The following TEX11 variants were observed in gnomAD, a reference collection of about 807,000 sequenced individuals.
TEX11 encodes testis-expressed protein 11.
In TEX11, 7 loss-of-function variants were observed where a neutral mutation model predicts 84.4. The ratio of observed to expected loss-of-function variants is 0.08; its 90% CI spans 0.05 to 0.16. TEX11 has a LOEUF of 0.16. Ranked by LOEUF, TEX11 falls within the 10% of genes least tolerant of loss-of-function variation. TEX11 has a pLI of 1.00. For synonymous variants in TEX11, 264 were observed against 222.8 expected (o/e 1.18, Z -1.64); for missense variants, 551 against 660.5 (o/e 0.83, Z 1.82).
chrX:70,610,753 T>C (rs1263776845), intron 20 of TEX11, among the ~76,000 whole-genome samples: 1 of 111,717 alleles, frequency 9.0e-6, no homozygotes, highest in Non-Finnish European at 1.9e-5. Flanking sequence ...ATATTTTTTC[T>C]CTCTTCTACT....
At chrX:70,590,682 T>A (rs1011713302) in intron 25 of TEX11, among the ~76,000 whole-genome samples, 1 of 112,207 alleles carries the variant, frequency 8.9e-6, no homozygotes, top group Non-Finnish European at 1.9e-5. Context: ...CAAGATATTA[T>A]ATAACTTCCA....
At chrX:70,639,932 G>A (rs1372712805) in intron 17 of TEX11, among the ~76,000 whole-genome samples, 14 of 111,954 alleles carry the variant, frequency 1.3e-4, no homozygotes, top group South Asian at 7.5e-4. Flanking sequence ...GGACTTTGAC[G>A]AGCTGAGAGA....
chrX:70,537,318 C>T (rs1217603600), intron 28 of TEX11, among the ~76,000 whole-genome samples: 1 of 111,201 alleles, frequency 9.0e-6, no homozygotes, highest in East Asian at 2.8e-4. Context: ...AATTTCTGAG[C>T]AGCAATGAGA....
intron 13 of TEX11, among the ~76,000 whole-genome samples, chrX:70,683,711 A>G (rs1324499023): frequency 1.8e-5 from 2 of 112,032 alleles, no homozygotes; most frequent in Admixed American, 1.9e-4. Context: ...AGGGACCCCA[A>G]AAGCCCTAAA....
chrX:70,895,211 A>T (rs1465952387), intron 2 of TEX11, among the ~76,000 whole-genome samples: 2 of 111,666 alleles, frequency 1.8e-5, no homozygotes, highest in South Asian at 7.5e-4. Context: ...AATCACAAGC[A>T]TTCCTATATA....
intron 16 of TEX11, among the ~76,000 whole-genome samples, chrX:70,668,501 G>C (rs2089995971): frequency 8.9e-6 from 1 of 112,222 alleles, no homozygotes; most frequent in African/African-American, 3.2e-5. Context: ...ATGAAATGGA[G>C]AAATATACTA....
At chrX:70,822,598 A>G (rs955290374) in intron 8 of TEX11, among the ~76,000 whole-genome samples, 1 of 111,544 alleles carries the variant, frequency 9.0e-6, no homozygotes, top group Non-Finnish European at 1.9e-5. Context: ...TTGTGTCACT[A>G]TAAAGGAATA....
At chrX:70,775,714 C>T (rs1430822181) in intron 9 of TEX11, among the ~76,000 whole-genome samples, 1 of 98,802 alleles carries the variant, frequency 1.0e-5, no homozygotes, top group Non-Finnish European at 2.0e-5. Context: ...GCAGGAGAAT[C>T]GCCTGAACCC....
intron 25 of TEX11, among the ~76,000 whole-genome samples, chrX:70,563,995 G>A (rs547731393): frequency 6.2e-5 from 7 of 112,136 alleles, no homozygotes; most frequent in South Asian, 3.7e-4. Context: ...TTGGGAGGCC[G>A]AGGCGGGCGG....
At chrX:70,569,595 C>G (rs1455761922) in intron 25 of TEX11, among the ~76,000 whole-genome samples, 1 of 111,769 alleles carries the variant, frequency 8.9e-6, no homozygotes, top group Non-Finnish European at 1.9e-5. Flanking sequence ...GTGTGGATGT[C>G]CTTTCTGTTT....
At chrX:70,763,367 C>T (rs761136855) in intron 9 of TEX11, among the ~76,000 whole-genome samples, 4 of 111,424 alleles carry the variant, frequency 3.6e-5, no homozygotes, top group Non-Finnish European at 7.5e-5. Context: ...CTCGTATCTT[C>T]TCACTTATAA....
intron 9 of TEX11, among the ~76,000 whole-genome samples, chrX:70,785,511 C>T (rs1020271406): frequency 1.8e-5 from 2 of 111,358 alleles, no homozygotes; most frequent in South Asian, 3.7e-4. Context: ...CAAAAGAAAC[C>T]ACCATCAGAG....
intron 11 of TEX11, among the ~76,000 whole-genome samples, chrX:70,731,023 G>A (rs776249669): frequency 8.4e-4 from 94 of 111,631 alleles, no homozygotes; most frequent in African/African-American, 2.7e-3. Context: ...TCAACTACAT[G>A]GAAACTGAAC....
At position 70,877,376 on chromosome X, in the gene TEX11, C is replaced by A. The variant is rs190909274; in HGVS notation, c.159+2612G>T. On this transcript the variant is annotated intron_variant, in intron 3 of 29. Coordinates refer to ENST00000374333, the MANE Select transcript of TEX11 (RefSeq NM_031276.3). ...GACTACTATCAATAAAAAAACAGAA[C>A]AACAAGTATTGGTGATAATGTGAAG... 5.4e-5 allele frequency among the ~76,000 whole-genome samples: 6 copies of A among 110,527 alleles called. No homozygotes were observed. The East Asian group carries it at 1.7e-3, about 31-fold the overall frequency.
intron 7 of TEX11, among the ~76,000 whole-genome samples, chrX:70,845,002 C>T (rs762733636): frequency 1.8e-5 from 2 of 111,215 alleles, no homozygotes; most frequent in Non-Finnish European, 3.8e-5. Flanking sequence ...TCTAAAATTT[C>T]AGTTTTTACC....
chrX:70,892,137 T>A (rs1211953174), intron 2 of TEX11, among the ~76,000 whole-genome samples: 1 of 110,812 alleles, frequency 9.0e-6, no homozygotes, highest in Non-Finnish European at 1.9e-5. Context: ...CAAAATAAGC[T>A]TCATAAGCAA....
intron 7 of TEX11, among the ~76,000 whole-genome samples, chrX:70,842,366 A>G (rs1385778267): frequency 4.5e-5 from 5 of 111,453 alleles, no homozygotes; most frequent in South Asian, 7.6e-4. Context: ...TATAAACAGA[A>G]CCAAAGACAA....
intron 7 of TEX11, among the ~76,000 whole-genome samples, chrX:70,837,109 C>A (rs2091409997): frequency 1.8e-5 from 2 of 111,481 alleles, no homozygotes; most frequent in Admixed American, 9.5e-5. Context: ...AAAAATAAAA[C>A]TAAATATACC....
intron 8 of TEX11, among the ~76,000 whole-genome samples, chrX:70,824,341 A>G (rs1395411056): frequency 1.8e-5 from 2 of 112,259 alleles, no homozygotes; most frequent in African/African-American, 6.5e-5. Flanking sequence ...TGAATTGCTC[A>G]GAGAAAGTGC....
Sources: gnomAD v4.1 joint callset for allele counts (sites outside exome capture counted in the v4.1 genomes callset) on GRCh38, gnomAD v4.1.1 for gene constraint, MANE v1.5 for transcripts, NCBI Gene and HGNC (gene_info 2026-07-23, HGNC 2026-07-21) for gene names.